Variants in CTNNA1 observed in about 807,000 individuals in gnomAD.
The protein encoded by CTNNA1 is catenin alpha-1.
CTNNA1 carries 37 observed loss-of-function variants against 98.4 expected under a neutral mutation model. That is an observed-to-expected ratio of 0.38 (90% confidence interval 0.29 to 0.49). The LOEUF (loss-of-function observed/expected upper bound fraction) is 0.49, where lower values mean the gene tolerates loss of function less well. CTNNA1 is among the 20% of genes least tolerant of loss of function. The pLI is 0.95. For synonymous variants in CTNNA1, 404 were observed against 413.2 expected (o/e 0.98, Z 0.27); for missense variants, 761 against 1,147.2 (o/e 0.66, Z 4.86).
intron 7 of CTNNA1, among the ~76,000 whole-genome samples, chr5:138,885,002 A>C (rs959308636): frequency 6.6e-6 from 1 of 152,224 alleles, no homozygotes; most frequent in Non-Finnish European, 1.5e-5. Flanking sequence ...GATAGTGATC[A>C]TATCAATTTT....
chr5:138,755,081 A>T (rs1235461542), intron 1 of CTNNA1: 1 of 152,198 alleles, frequency 6.6e-6, no homozygotes, highest in African/African-American at 2.4e-5. Context: ...TATTCAGCGA[A>T]AGAATAATTT....
intron 9 of CTNNA1, among the ~76,000 whole-genome samples, chr5:138,893,614 A>AT (rs939121893): frequency 3.3e-5 from 5 of 150,900 alleles, no homozygotes; most frequent in African/African-American, 9.7e-5. Context: ...TTATTTAATT[A>AT]TTTTTTAAAA....
chr5:138,933,598 T>C (rs1421200732), intron 17 of CTNNA1, among the ~76,000 whole-genome samples: 1 of 152,196 alleles, frequency 6.6e-6, no homozygotes, highest in Admixed American at 6.5e-5. Flanking sequence ...CCAAAGGGTC[T>C]GAGGGCAGGC....
intron 7 of CTNNA1, among the ~76,000 whole-genome samples, chr5:138,877,038 G>A (rs566021036): frequency 2.0e-5 from 3 of 152,304 alleles, no homozygotes; most frequent in African/African-American, 4.8e-5. Context: ...TTGGCATTGT[G>A]GTTCTTAGAC....
chr5:138,909,332 T>C (rs376987303), intron 10 of CTNNA1, among the ~76,000 whole-genome samples: 5 of 151,896 alleles, frequency 3.3e-5, no homozygotes, highest in African/African-American at 4.8e-5. Flanking sequence ...CCTCTACTTA[T>C]CTACATTTTT....
chr5:138,931,278 T>C (rs182665621), intron 16 of CTNNA1, among the ~76,000 whole-genome samples: 5 of 152,330 alleles, frequency 3.3e-5, no homozygotes, highest in South Asian at 4.1e-4. Context: ...TTCTTCATCC[T>C]CAGCACTGTG....
Position 138,933,876 on chromosome 5 carries a change from C to G in CTNNA1, c.2508C>G (p.Ser836=). The G allele has an allele frequency of 6.2e-7, 1 of 1,614,088 alleles. No homozygotes were observed. Among genetic ancestry groups the G allele is most frequent in the South Asian group, 1.1e-5 (1 of 91,088 alleles). ...MNAVVQTVKA[S]YVASTKYQKS... is the part of the protein sequence containing the mutation. ...CTGTGGTGCAGACAGTGAAGGCATC[C>G]TACGTCGCCTCTACCAAATACCAAA... The change falls in exon 18 of 18, where the codon TCC becomes TCG. Residue 836 remains serine, a synonymous_variant. Transcript: ENST00000302763.
At chr5:138,824,063 CGTT>C (rs1554084830) in intron 5 of CTNNA1, among the ~76,000 whole-genome samples, 1 of 149,926 alleles carries the variant, frequency 6.7e-6, no homozygotes, top group Non-Finnish European at 1.5e-5. Context: ...ATCTTTCTAT[CGTT>C]GGTTGGTATA....
chr5:138,848,150 A>G lies in CTNNA1; in HGVS notation c.1062+20432A>G, dbSNP rs114267954. ...AAATTTGTTATTGAAGGGATTTTCT[A>G]TGGAGAGACTGTTCTAGTCTTGACA... On this transcript the variant is annotated intron_variant, in intron 7 of 17. Transcript: ENST00000302763. Among the ~76,000 whole-genome samples the G allele has an allele frequency of 0.018, 1,783 of 101,138 alleles. 29 individuals carry two copies. The highest frequency in any genetic ancestry group is 0.065 in the African/African-American group (1,699 of 26,014). 66.4% of individuals were successfully genotyped at this position (101,138 alleles called of 152,430 possible). A position where few individuals can be genotyped will look rare whatever the true frequency, so the allele number is the denominator to read the frequency against.
intron 1 of CTNNA1, among the ~76,000 whole-genome samples, chr5:138,757,873 G>GCCTCC (rs774290975): frequency 5.9e-5 from 9 of 152,118 alleles, no homozygotes; most frequent in Non-Finnish European, 1.3e-4. Flanking sequence ...ATTATGGAGG[G>GCCTCC]CCTCCAATAA....
At chr5:138,781,371 C>T (rs750973589) in intron 1 of CTNNA1, among the ~76,000 whole-genome samples, 4 of 152,016 alleles carry the variant, frequency 2.6e-5, no homozygotes, top group African/African-American at 9.7e-5. Flanking sequence ...CTGGCTAACA[C>T]GGTGAAACCC....
intron 1 of CTNNA1, among the ~76,000 whole-genome samples, chr5:138,768,626 T>G (rs2149598425): frequency 7.2e-6 from 1 of 139,296 alleles, no homozygotes; most frequent in East Asian, 2.4e-4. Context: ...GTGCAGTGGC[T>G]GTTTGCAGGC....
At position 138,932,091 on chromosome 5, in the gene CTNNA1, CT is replaced by C. The variant is rs201073715; in HGVS notation, c.2299-483del. The C allele has an allele frequency of 4.0e-3, 3,923 of 986,230 alleles. 16 individuals carry two copies. Among genetic ancestry groups the C allele is most frequent in the Non-Finnish European group, 4.3e-3 (3,551 of 830,536 alleles). 61.1% of individuals were successfully genotyped at this position (986,230 alleles called of 1,614,324 possible). A position where few individuals can be genotyped will look rare whatever the true frequency, so the allele number is the denominator to read the frequency against. On this transcript the variant is annotated intron_variant, in intron 16 of 17. Transcript: ENST00000302763. ...TTCCACCTCAGCCTGCAGTGAGTGGCTTTTGTCATCAGGCATTAATAACGCA... is the reference window on the plus strand; with the variant it reads ...TTCCACCTCAGCCTGCAGTGAGTGGCTTTGTCATCAGGCATTAATAACGCA...
At chr5:138,932,379 T>G (rs1236814771) in intron 16 of CTNNA1, 199 bp from the exon 17 acceptor site, 1 of 1,409,914 alleles carries the variant, frequency 7.1e-7, no homozygotes, top group East Asian at 2.6e-5. Flanking sequence ...CATGGACGAC[T>G]TCCATCAGCT....
intron 16 of CTNNA1, chr5:138,931,679 C>T (rs1218507790): frequency 5.1e-6 from 5 of 985,338 alleles, no homozygotes; most frequent in East Asian, 1.1e-4. Flanking sequence ...TGGCCGCTCC[C>T]GATTTCCTGT....
chr5:138,922,640 G>A lies in CTNNA1; in HGVS notation c.1547-1870G>A, dbSNP rs548798291. Among the ~76,000 whole-genome samples, 15 of 152,214 alleles carry A rather than the reference G, an allele frequency of 9.9e-5. 1 individual carries two copies. In the South Asian group the frequency reaches 3.1e-3, roughly 32 times the overall value. On this transcript the variant is annotated intron_variant, in intron 11 of 17. Coordinates refer to ENST00000302763, the MANE Select transcript of CTNNA1 (RefSeq NM_001903.5). ...TGTTTCCTTAGCTAAAATGATGTAT[G>A]GTTTCAGTTAAGTGTGGGCAGAGCC...
Position 138,781,956 on chromosome 5 carries a change from T to TC in CTNNA1, c.33dup (p.Lys12GlnfsTer5). 1 of 1,599,692 alleles carries TC rather than the reference T, an allele frequency of 6.3e-7. No homozygotes were observed. The highest frequency in any genetic ancestry group is 8.5e-7 in the Non-Finnish European group (1 of 1,176,950). ...GCTGTCCATGCAGGCAACATAAACT[T>TC]CAAGTGGGATCCTAAAAGTCTAGAG... On this transcript the variant is annotated frameshift_variant, in exon 2 of 18. Transcript: ENST00000302763. LOFTEE classifies it high-confidence loss of function.
chr5:138,772,108 T>C (rs1363889740), intron 1 of CTNNA1, among the ~76,000 whole-genome samples: 1 of 152,236 alleles, frequency 6.6e-6, no homozygotes, highest in Non-Finnish European at 1.5e-5. Flanking sequence ...TTGCCAGTTA[T>C]CAGCCCCCTT....
intron 10 of CTNNA1, among the ~76,000 whole-genome samples, chr5:138,913,863 T>A (rs1369575333): frequency 6.6e-6 from 1 of 152,116 alleles, no homozygotes; most frequent in Non-Finnish European, 1.5e-5. Context: ...TATCTATATA[T>A]TTTTTTAAAG....
Sources: allele counts gnomAD v4.1 joint callset (sites outside exome capture counted in the v4.1 genomes callset), GRCh38; gene constraint gnomAD v4.1.1; transcripts MANE v1.5; gene names NCBI Gene and HGNC (gene_info 2026-07-23, HGNC 2026-07-21).